Variants in COL3A1 observed in about 807,000 individuals in gnomAD.
The protein encoded by COL3A1 is collagen alpha-1(III) chain.
COL3A1 carries 46 observed loss-of-function variants against 200.9 expected under a neutral mutation model. That is an observed-to-expected ratio of 0.23 (90% confidence interval 0.18 to 0.29). The LOEUF (loss-of-function observed/expected upper bound fraction) is 0.29, where lower values mean the gene tolerates loss of function less well. Among genes scored for constraint, COL3A1 ranks in the 10% least tolerant of loss-of-function variants. The pLI is 1.00. For missense variants in COL3A1, 1,367 were observed against 1,917.6 expected, an observed-to-expected ratio of 0.71 and a Z score of 5.36; for synonymous variants, 650 against 628.0, an observed-to-expected ratio of 1.03 and a Z score of -0.52.
At position 188,988,531 on chromosome 2, in the gene COL3A1, T is replaced by C. The variant is rs1298413670; in HGVS notation, c.583-59T>C. 5.0e-6 allele frequency: 6 copies of C among 1,192,930 alleles called. No individual in the cohort carries two copies. The African/African-American group carries it at 7.6e-5, about 15-fold the overall frequency. 73.9% of individuals were successfully genotyped at this position (1,192,930 alleles called of 1,614,324 possible). The stretch of plus-strand genomic sequence containing the variant: ...ATCCTGATTTCTTACTGTCAAGATG[T>C]AAATGAATTATATGAAGATTTTGTT... On this transcript the variant is annotated intron_variant, in intron 6 of 50. Coordinates refer to ENST00000304636, the MANE Select transcript of COL3A1 (RefSeq NM_000090.4).
At chr2:188,986,585 T>G (rs1198291361) in intron 4 of COL3A1, among the ~76,000 whole-genome samples, 1 of 152,062 alleles carries the variant, frequency 6.6e-6, no homozygotes, top group Non-Finnish European at 1.5e-5. Context: ...TATTTTTGAG[T>G]GAATCTTTTA....
At chr2:188,998,209 G>T in intron 27 of COL3A1, 57 bp from the exon 28 acceptor site, 1 of 1,499,142 alleles carries the variant, frequency 6.7e-7, no homozygotes, top group Non-Finnish European at 9.3e-7. Context: ...CATATGAGAA[G>T]CTTTTCTATA....
chr2:188,991,136 CCTTAA>C, intron 11 of COL3A1, 79 bp downstream of exon 11: 1 of 1,450,032 alleles, frequency 6.9e-7, no homozygotes, highest in South Asian at 1.2e-5. Context: ...ATATTGTGAG[CCTTAA>C]CTTGTTTTCT....
chr2:189,010,497 G>C, intron 49 of COL3A1, 132 bp downstream of exon 49: 10 of 1,470,384 alleles, frequency 6.8e-6, no homozygotes, highest in Non-Finnish European at 9.4e-6. Context: ...GAAAGTGATG[G>C]CATGCAATAA....
chr2:188,994,414 C>A lies in COL3A1; in HGVS notation c.1293+82C>A, dbSNP rs1282305642. 2 of 1,582,886 alleles carry A rather than the reference C, an allele frequency of 1.3e-6. No individual in the cohort carries two copies. Among genetic ancestry groups the A allele is most frequent in the Non-Finnish European group, 1.7e-6 (2 of 1,153,786 alleles). On this transcript the variant is annotated intron_variant, in intron 18 of 50. Transcript: ENST00000304636. This position sits in a 1 kb window ranked among gnomAD's most constrained non-coding sequence, Gnocchi z 4.5. ...AAAAAATTAATAGCAAAATTTTGCT[C>A]CTGTTCAGTTGAATTTATATTGACT...
intron 1 of COL3A1, among the ~76,000 whole-genome samples, chr2:188,983,649 C>A (rs1028714603): frequency 6.6e-6 from 1 of 151,862 alleles, no homozygotes; most frequent in African/African-American, 2.4e-5. Flanking sequence ...GAACTACTTG[C>A]CTACTCGGTA....
At chr2:189,003,261 A>T in intron 36 of COL3A1, 150 bp from the exon 37 acceptor site, 1 of 766,870 alleles carries the variant, frequency 1.3e-6, no homozygotes, top group Non-Finnish European at 2.3e-6. Context: ...TAATCTTTAT[A>T]TGAATATAGT....
In COL3A1 at chr2:188,991,470, A is replaced by G. The variant is rs1377050232; in HGVS notation, c.853-17A>G. ...TTCCTCTTTTGTAAAATAGTAACAT[A>G]TTTTATATGTATCTAGGGTGAAAAT... On this transcript the variant is annotated splice_polypyrimidine_tract_variant and intron_variant, in intron 11 of 50. Coordinates refer to ENST00000304636, the MANE Select transcript of COL3A1 (RefSeq NM_000090.4). 6.4e-7 allele frequency: 1 copy of G among 1,559,828 alleles called. No individual in the cohort carries two copies. The highest frequency in any genetic ancestry group is 8.8e-7 in the Non-Finnish European group (1 of 1,136,952).
intron 29 of COL3A1, 88 bp from the exon 30 acceptor site, chr2:188,999,197 G>A (rs1399909243): frequency 2.5e-6 from 3 of 1,190,096 alleles, no homozygotes; most frequent in Non-Finnish European, 2.4e-6. Context: ...TAATAACCTA[G>A]TGGCCTGATT....
In COL3A1 at chr2:188,998,656, A is replaced by G. The variant is rs1025891164; in HGVS notation, c.1978-18A>G. ...TGCACTCTGATATGGGCCTAATCAT[A>G]TAATGCCAATCTCCCAGGGTCCAAA... On this transcript the variant is annotated intron_variant, in intron 28 of 50. Transcript: ENST00000304636. 3.1e-6 allele frequency: 5 copies of G among 1,613,040 alleles called. No individual in the cohort carries two copies. Among genetic ancestry groups the G allele is most frequent in the Middle Eastern group, 1.7e-4 (1 of 6,058 alleles).
At chr2:189,005,596 T>C in intron 41 of COL3A1, 139 bp downstream of exon 41, 1 of 738,630 alleles carries the variant, frequency 1.4e-6, no homozygotes, top group South Asian at 1.5e-5. Flanking sequence ...CAGAAATTCT[T>C]TCATTACAAT....
At chr2:189,005,686 T>G (rs1688569230) in intron 41 of COL3A1, 1 of 555,176 alleles carries the variant, frequency 1.8e-6, no homozygotes, top group Non-Finnish European at 3.2e-6. Context: ...TATCTCTAAC[T>G]AAATTAGGAA....
At chr2:189,011,019 T>C in intron 50 of COL3A1, 129 bp downstream of exon 50, 1 of 1,216,958 alleles carries the variant, frequency 8.2e-7, no homozygotes. Context: ...ATGAATTACA[T>C]ACATTGCATC....
rs766220829 is a variant in COL3A1 at position 189,011,720 on chromosome 2, T to C, written c.4347T>C (p.Ile1449=). The C allele has an allele frequency of 1.2e-6, 2 of 1,613,976 alleles. No individual in the cohort carries two copies. The highest frequency in any genetic ancestry group is 1.7e-6 in the Non-Finnish European group (2 of 1,179,882). The change falls in exon 51 of 51, where the codon ATT becomes ATC. Residue 1449 remains isoleucine (I), a synonymous_variant. Coordinates refer to ENST00000304636, the MANE Select transcript of COL3A1 (RefSeq NM_000090.4). ...LPIVDIAPYD[I]GGPDQEFGVD... is the part of the protein sequence containing the mutation. The stretch of plus-strand genomic sequence containing the variant: ...TTGTAGATATTGCACCCTATGACAT[T>C]GGTGGTCCTGATCAAGAATTTGGTG...
intron 5 of COL3A1, among the ~76,000 whole-genome samples, chr2:188,987,730 C>A (rs1008593549): frequency 6.6e-6 from 1 of 152,030 alleles, no homozygotes; most frequent in East Asian, 1.9e-4. Context: ...AGTTTGGCTG[C>A]CAAGCGAGAA....
chr2:188,988,678 A>T (rs531497438), intron 7 of COL3A1, 35 bp downstream of exon 7: 1 of 1,413,194 alleles, frequency 7.1e-7, no homozygotes, highest in South Asian at 1.2e-5. Flanking sequence ...TAGTAAGTCG[A>T]TAATTCCATA....
rs373963384 is a variant in COL3A1 at position 188,996,178 on chromosome 2, C to T, written c.1662C>T (p.Pro554=). ...GPGSDGKPGP[P]GSQGESGRPG... ...GAAGTGATGGGAAACCAGGGCCTCC[C>T]GTATGTACATTTTTAAAATCTCATT... Residue 554 remains proline, a splice_region_variant and synonymous_variant, in exon 23 of 51, where the codon CCC becomes CCT. Transcript: ENST00000304636. The T allele has an allele frequency of 9.9e-5, 160 of 1,612,732 alleles. No homozygotes were observed. Among genetic ancestry groups the T allele is most frequent in the Non-Finnish European group, 1.2e-4 (146 of 1,179,414 alleles).
chr2:188,997,257 A>T lies in COL3A1; in HGVS notation c.1815+39A>T, dbSNP rs768259675. 3 of 1,613,220 alleles carry T rather than the reference A, an allele frequency of 1.9e-6. No individual in the cohort carries two copies. In the South Asian group the frequency reaches 3.3e-5, roughly 18 times the overall value. On this transcript the variant is annotated intron_variant, in intron 25 of 50. Transcript: ENST00000304636. ...CTCAATTTATTTCTAGCCTTCTAAT[A>T]GATGCGTTCATCTCCAACCTTCTGA...
At chr2:188,989,030 ATAATCT>A (rs1300302261) in intron 7 of COL3A1, among the ~76,000 whole-genome samples, 1 of 151,750 alleles carries the variant, frequency 6.6e-6, no homozygotes, top group Non-Finnish European at 1.5e-5. Context: ...AGAAATAAAC[ATAATCT>A]TAGAGAGTCC....
Sources: allele counts gnomAD v4.1 joint callset (sites outside exome capture counted in the v4.1 genomes callset), GRCh38; gene constraint gnomAD v4.1.1; non-coding constraint Gnocchi (gnomAD v3.1); transcripts MANE v1.5; gene names NCBI Gene and HGNC (gene_info 2026-07-23, HGNC 2026-07-21).